Variants in PTPN23 observed in about 807,000 individuals in gnomAD.
The protein encoded by PTPN23 is tyrosine-protein phosphatase non-receptor type 23.
In PTPN23, 72 loss-of-function variants were observed where a neutral mutation model predicts 156.3. The ratio of observed to expected loss-of-function variants is 0.46; its 90% CI spans 0.38 to 0.56. PTPN23 has a LOEUF of 0.56. Among genes scored for constraint, PTPN23 ranks in the 20% least tolerant of loss-of-function variants. The pLI, the probability that PTPN23 is intolerant of heterozygous loss-of-function variation, is 0.00. For missense variants in PTPN23, 1,974 were observed against 2,171.5 expected, an observed-to-expected ratio of 0.91 and a Z score of 1.81; for synonymous variants, 957 against 899.6, an observed-to-expected ratio of 1.06 and a Z score of -1.14.
chr3:47,384,284 C>T (rs886286753), intron 1 of PTPN23, among the ~76,000 whole-genome samples: 9 of 151,800 alleles, frequency 5.9e-5, no homozygotes, highest in Admixed American at 1.3e-4. Flanking sequence ...CTGGCTAACA[C>T]GGTGAAACCC....
intron 1 of PTPN23, among the ~76,000 whole-genome samples, chr3:47,386,694 G>A (rs1036312486): frequency 6.6e-6 from 1 of 152,142 alleles, no homozygotes; most frequent in Admixed American, 6.5e-5. Flanking sequence ...AGCAGTGAGG[G>A]GCATGGGACA....
intron 1 of PTPN23, among the ~76,000 whole-genome samples, chr3:47,382,323 C>T (rs1229628723): frequency 2.8e-5 from 4 of 141,084 alleles, no homozygotes; most frequent in African/African-American, 1.0e-4. Context: ...TTTTTCCTAC[C>T]TTTTTTTTTT....
intron 15 of PTPN23, 62 bp from the exon 16 acceptor site, chr3:47,408,713 GA>G: frequency 6.5e-7 from 1 of 1,530,142 alleles, no homozygotes. Flanking sequence ...TCTCTTGGGG[GA>G]GGGGCCCATG....
In PTPN23 at chr3:47,406,688, C is replaced by T. The variant is rs750304091; in HGVS notation, c.760-15C>T. ...GCTCAGGAAGCAAGTCGTGGCGTCT[C>T]TTCTTCTTTCCCAGCTGCACATGGG... On this transcript the variant is annotated splice_polypyrimidine_tract_variant and intron_variant, in intron 8 of 24. Coordinates refer to ENST00000265562, the MANE Select transcript of PTPN23 (RefSeq NM_015466.4). This position sits in a 1 kb window ranked among gnomAD's most constrained non-coding sequence, Gnocchi z 5.8. The T allele has an allele frequency of 3.1e-6, 5 of 1,613,648 alleles. No homozygotes were observed. The highest frequency in any genetic ancestry group is 4.2e-6 in the Non-Finnish European group (5 of 1,179,806).
At chr3:47,385,854 C>G (rs1320299488) in intron 1 of PTPN23, among the ~76,000 whole-genome samples, 1 of 152,180 alleles carries the variant, frequency 6.6e-6, no homozygotes, top group Non-Finnish European at 1.5e-5. Context: ...TCTCTACTTT[C>G]CCATCAGGCT....
At chr3:47,388,454 G>A (rs909602867) in intron 1 of PTPN23, among the ~76,000 whole-genome samples, 9 of 151,890 alleles carry the variant, frequency 5.9e-5, no homozygotes, top group African/African-American at 2.2e-4. Flanking sequence ...AGGTATATAA[G>A]TATATACACC....
intron 2 of PTPN23, among the ~76,000 whole-genome samples, chr3:47,400,793 C>A (rs1405637285): frequency 6.6e-6 from 1 of 152,080 alleles, no homozygotes; most frequent in Non-Finnish European, 1.5e-5. Context: ...AGACTGGTCT[C>A]AAACTCTCAA....
In PTPN23 at chr3:47,410,230, A is replaced by T. The variant is rs763947517; in HGVS notation, c.2432A>T (p.His811Leu). 3.1e-6 allele frequency: 5 copies of T among 1,611,178 alleles called. No individual in the cohort carries two copies. The South Asian group carries it at 5.5e-5, about 18-fold the overall frequency. The change falls in exon 20 of 25, where the codon CAT becomes CTT. Residue 811 changes from histidine (H) to leucine (L), a missense_variant. Around this residue, in one of 4 missense-constraint regions of PTPN23, gnomAD observed 731 missense variants for 669.1 expected, o/e 1.09. Coordinates refer to ENST00000265562, the MANE Select transcript of PTPN23 (RefSeq NM_015466.4). The part of the protein sequence containing the change: ...QLIQPRAPGP[H>L]AMPVAPGPAL... The stretch of plus-strand genomic sequence containing the variant: ...ATACAGCCCAGGGCCCCAGGGCCCC[A>T]TGCAATGCCCGTAGCACCTGGGCCT...
In PTPN23 at chr3:47,411,290, C is replaced by T. The variant is rs1403699092; in HGVS notation, c.3492C>T (p.Pro1164=). 11 of 1,612,034 alleles carry T rather than the reference C, an allele frequency of 6.8e-6. No homozygotes were observed. Among genetic ancestry groups the T allele is most frequent in the Non-Finnish European group, 9.3e-6 (11 of 1,179,994 alleles). The change falls in exon 20 of 25, where the codon CCC becomes CCT. Residue 1164 remains proline (P), a synonymous_variant. Transcript: ENST00000265562. The surrounding 1 kb of genome is among the most constrained non-coding windows in gnomAD (Gnocchi z 6.3). ...CCCTGCGGCTGATTGAGCGGGACCCCTATGAGCATCCTGAGAGGCTGCGGC... is the reference window on the plus strand; with the variant it reads ...CCCTGCGGCTGATTGAGCGGGACCCTTATGAGCATCCTGAGAGGCTGCGGC... The part of the protein sequence containing the change: ...PQALRLIERD[P]YEHPERLRQL...
chr3:47,410,955 C>T lies in PTPN23; in HGVS notation c.3157C>T (p.Pro1053Ser). 1 of 1,604,732 alleles carries T rather than the reference C, an allele frequency of 6.2e-7. No individual in the cohort carries two copies. The highest frequency in any genetic ancestry group is 8.5e-7 in the Non-Finnish European group (1 of 1,173,424). ...TCCCCATCCCCCACTGGCATATGGT[C>T]CTGCCCCTTCTACCAGACCCATGGG... is the stretch of plus-strand genomic sequence containing the variant. ...QPPHPPLAYG[P>S]APSTRPMGPQ... Residue 1053 changes from proline to serine, a missense_variant, in exon 20 of 25, where the codon CCT (proline) becomes TCT (serine). Pro to Ser is a moderately conservative substitution (Grantham distance 74, BLOSUM62 -1). This residue lies in a region of PTPN23 where 731 missense variants were observed against 669.1 expected (regional missense o/e 1.09). Coordinates refer to ENST00000265562, the MANE Select transcript of PTPN23 (RefSeq NM_015466.4).
intron 1 of PTPN23, among the ~76,000 whole-genome samples, chr3:47,388,360 C>T (rs1704696965): frequency 6.6e-6 from 1 of 152,092 alleles, no homozygotes; most frequent in Non-Finnish European, 1.5e-5. Flanking sequence ...AGGCACGCAC[C>T]ACTCTGCTAA....
chr3:47,407,363 G>A lies in PTPN23; in HGVS notation c.919G>A (p.Gly307Arg). 1 of 1,613,966 alleles carries A rather than the reference G, an allele frequency of 6.2e-7. No homozygotes were observed. Among genetic ancestry groups the A allele is most frequent in the Non-Finnish European group, 8.5e-7 (1 of 1,179,920 alleles). The change falls in exon 11 of 25, where the codon GGA (glycine) becomes AGA (arginine). Residue 307 changes from glycine (G) to arginine (R), a missense_variant. By Grantham distance (125) the Gly-to-Arg change is moderately radical. Transcript: ENST00000265562. The surrounding 1 kb of genome is among the most constrained non-coding windows in gnomAD (Gnocchi z 4.0). ...ALRFTMDVIG[G>R]KYNSAKKDND... ...TCGCTTCACTATGGATGTCATTGGG[G>A]GAAAGTGAGTCTGTGGGGGTGGCCC...
At position 47,399,901 on chromosome 3, in the gene PTPN23, G is replaced by A. The variant is rs548742775; in HGVS notation, c.159+3684G>A. On this transcript the variant is annotated intron_variant, in intron 2 of 24. Coordinates refer to ENST00000265562, the MANE Select transcript of PTPN23 (RefSeq NM_015466.4). ...TCTATCTTGGCTCATTGCAACGTCT[G>A]CCTCCTGGATTCAAGCGATCCTCCT... is the stretch of plus-strand genomic sequence containing the variant. 7.9e-5 allele frequency among the ~76,000 whole-genome samples: 12 copies of A among 152,238 alleles called. No homozygotes were observed. The South Asian group carries it at 1.2e-3, about 16-fold the overall frequency.
Position 47,381,117 on chromosome 3 carries a change from G to A in PTPN23, c.21G>A (p.Met7Ile). The A allele has an allele frequency of 6.3e-7, 1 of 1,585,802 alleles. No homozygotes were observed. Among genetic ancestry groups the A allele is most frequent in the Non-Finnish European group, 8.6e-7 (1 of 1,166,930 alleles). MEAVPR[M>I]PMIWLDLKEA... Reference sequence around the variant, plus strand: ...CCGCCATGGAGGCCGTGCCCCGCATGCCCATGATCTGGCTGGACCTGAAGG... The same window carrying A: ...CCGCCATGGAGGCCGTGCCCCGCATACCCATGATCTGGCTGGACCTGAAGG... Residue 7 changes from methionine to isoleucine, a missense_variant, in exon 1 of 25, where the codon ATG becomes ATA. This residue lies in a region of PTPN23 where 726 missense variants were observed against 929.5 expected (regional missense o/e 0.78). Transcript: ENST00000265562.
rs780485797 is a variant in PTPN23, at chr3:47,409,505, C to G, written c.1886C>G (p.Ala629Gly). 129 of 1,614,118 alleles carry G rather than the reference C, an allele frequency of 8.0e-5. 1 individual carries two copies. The South Asian group carries it at 1.3e-3, about 16-fold the overall frequency. Residue 629 changes from alanine (A) to glycine (G), a missense_variant, in exon 18 of 25, where the codon GCA becomes GGA. Ala to Gly is a moderately conservative substitution (Grantham distance 60). Transcript: ENST00000265562. ...NLAAQDRVLC[A>G]LTEANVQYAA... ...GCCGCCCAGGACCGTGTCCTCTGTG[C>G]ACTGACAGAGGCCAACGTGCAGTAC...
At position 47,406,883 on chromosome 3, in the gene PTPN23, T is replaced by C; in HGVS notation, c.807+133T>C. 7.9e-7 allele frequency: 1 copy of C among 1,264,524 alleles called. No individual in the cohort carries two copies. The highest frequency in any genetic ancestry group is 1.1e-6 in the Non-Finnish European group (1 of 899,782). 78.3% of individuals were successfully genotyped at this position (1,264,524 alleles called of 1,614,324 possible). A position where few individuals can be genotyped will look rare whatever the true frequency, so the allele number is the denominator to read the frequency against. On this transcript the variant is annotated intron_variant, in intron 9 of 24. Coordinates refer to ENST00000265562, the MANE Select transcript of PTPN23 (RefSeq NM_015466.4). This position sits in a 1 kb window ranked among gnomAD's most constrained non-coding sequence, Gnocchi z 5.8. ...GGCCATCACCCTGCTGGAGGCCTGG[T>C]GTCTTAAGTGTTGTCCCATCTGTGC...
In PTPN23 at chr3:47,405,814, G is replaced by A; in HGVS notation, c.414+16G>A. 1.3e-6 allele frequency: 2 copies of A among 1,589,712 alleles called. No homozygotes were observed. Among genetic ancestry groups the A allele is most frequent in the South Asian group, 1.2e-5 (1 of 86,858 alleles). On this transcript the variant is annotated intron_variant, in intron 5 of 24. Transcript: ENST00000265562. The surrounding 1 kb of genome is among the most constrained non-coding windows in gnomAD (Gnocchi z 4.7). ...GTCTGAGGAGGTGAGGAGAGGGGCA[G>A]TAGTGGAACATGTGGACATACCAGG...
At chr3:47,408,654 C>T (rs1705187984) in intron 15 of PTPN23, 122 bp from the exon 16 acceptor site, 3 of 1,425,206 alleles carry the variant, frequency 2.1e-6, no homozygotes, top group Non-Finnish European at 2.9e-6. Context: ...GCACCCTGCT[C>T]AGTGTGCGCT....
Position 47,409,305 on chromosome 3 carries a change from C to G in PTPN23, c.1785C>G (p.His595Gln). ...DITASLVTTD[H>Q]SEMKKLFEEQ... Reference sequence around the variant, plus strand: ...CTGCCTCGCTGGTCACCACAGACCACTCAGAGATGAAGGTGGGCTGGGTGA... The same window carrying G: ...CTGCCTCGCTGGTCACCACAGACCAGTCAGAGATGAAGGTGGGCTGGGTGA... The change falls in exon 17 of 25, where the codon CAC (histidine) becomes CAG (glutamine). Residue 595 changes from histidine to glutamine, a missense_variant. Transcript: ENST00000265562. The G allele has an allele frequency of 6.2e-7, 1 of 1,614,054 alleles. No individual in the cohort carries two copies. Among genetic ancestry groups the G allele is most frequent in the East Asian group, 2.2e-5 (1 of 44,876 alleles).
Sources: gnomAD v4.1 joint callset for allele counts (sites outside exome capture counted in the v4.1 genomes callset) on GRCh38, gnomAD v4.1.1 for gene constraint, gnomAD v4.1.1 regional missense constraint, Gnocchi (gnomAD v3.1) non-coding constraint, MANE v1.5 for transcripts, NCBI Gene and HGNC (gene_info 2026-07-23, HGNC 2026-07-21) for gene names.